The following ZDHHC15 variants were observed in gnomAD, a reference collection of about 807,000 sequenced individuals.
ZDHHC15 encodes zDHHC palmitoyltransferase 15.
ZDHHC15 carries 19 observed loss-of-function variants against 31.7 expected under a neutral mutation model. That is an observed-to-expected ratio of 0.60 (90% confidence interval 0.42 to 0.88). The LOEUF (loss-of-function observed/expected upper bound fraction) is 0.88. Among genes scored for constraint, ZDHHC15 ranks in the 40% least tolerant of loss-of-function variants. The probability of loss-of-function intolerance (pLI) is 0.00; values close to 1 mark genes in which losing one functional copy is unlikely to be tolerated. For missense variants in ZDHHC15, 209 were observed against 251.2 expected (o/e 0.83, Z 1.14); for synonymous variants, 103 against 90.0 (o/e 1.14, Z -0.82).
chrX:75,432,234 T>C (rs1315780112), intron 4 of ZDHHC15, among the ~76,000 whole-genome samples: 1 of 111,736 alleles, frequency 8.9e-6, no homozygotes, highest in Non-Finnish European at 1.9e-5. Flanking sequence ...CTTCCTTTCC[T>C]TTAGATGAAA....
chrX:75,478,748 C>A (rs1181467129), intron 3 of ZDHHC15, 143 bp downstream of exon 3: 3 of 452,773 alleles, frequency 6.6e-6, no homozygotes, highest in Non-Finnish European at 1.1e-5. Context: ...ATCCTACCCT[C>A]AATTCACCTT....
chrX:75,390,705 C>A lies in ZDHHC15; in HGVS notation c.968-11507G>T, dbSNP rs185599218. On this transcript the variant is annotated intron_variant, in intron 10 of 11. Transcript: ENST00000373367. ...ATGATCAAAGACTTAGATCACAACA[C>A]CCAAATCCCTGTGAATATTCGGAAA... 5.4e-5 allele frequency among the ~76,000 whole-genome samples: 6 copies of A among 111,293 alleles called. No individual in the cohort carries two copies. The East Asian group carries it at 1.4e-3, about 26-fold the overall frequency.
chrX:75,482,137 G>T (rs1440240364), intron 2 of ZDHHC15, among the ~76,000 whole-genome samples: 3 of 110,626 alleles, frequency 2.7e-5, no homozygotes, highest in Non-Finnish European at 5.7e-5. Context: ...GTTGGGGGGT[G>T]GGGAACAAGG....
At chrX:75,475,063 A>C (rs1475632423) in intron 3 of ZDHHC15, among the ~76,000 whole-genome samples, 2 of 111,270 alleles carry the variant, frequency 1.8e-5, no homozygotes, top group Non-Finnish European at 3.8e-5. Flanking sequence ...CGTCTCAAAA[A>C]AATAAATAAA....
chrX:75,519,509 C>G (rs1192532290), intron 1 of ZDHHC15, among the ~76,000 whole-genome samples: 1 of 111,472 alleles, frequency 9.0e-6, no homozygotes, highest in African/African-American at 3.3e-5. Context: ...TTACTTGCCC[C>G]AGGTCTCCAG....
intron 2 of ZDHHC15, among the ~76,000 whole-genome samples, chrX:75,498,062 T>G (rs1162049862): frequency 9.1e-6 from 1 of 109,422 alleles, no homozygotes; most frequent in African/African-American, 3.3e-5. Context: ...GCCTCCTGGG[T>G]AGCTGGGATT....
chrX:75,502,047 T>C (rs1333028184), intron 2 of ZDHHC15: 1 of 112,113 alleles, frequency 8.9e-6, no homozygotes, highest in Non-Finnish European at 1.9e-5. Flanking sequence ...AATATTCTTG[T>C]ATCAGTTTGC....
At chrX:75,450,626 T>G in intron 4 of ZDHHC15, 176 bp downstream of exon 4, 1 of 989,037 alleles carries the variant, frequency 1.0e-6, no homozygotes. Context: ...ACTATACAAT[T>G]CTTCCAGCTT....
rs201148072 is a variant in ZDHHC15, at chrX:75,513,878, CAA to C, written c.137-8033_137-8032del. On this transcript the variant is annotated intron_variant, in intron 1 of 11. Transcript: ENST00000373367. ...GCAGGAAAATTGACTTTTTACATAA[CAA>C]AAAAAAAACAATAAGACTAACAGCT... Among the ~76,000 whole-genome samples, 65 of 103,127 alleles carry C rather than the reference CAA, an allele frequency of 6.3e-4. No individual in the cohort carries two copies. In the Middle Eastern group the frequency reaches 0.015, roughly 24 times the overall value. 89.6% of individuals were successfully genotyped at this position (103,127 alleles called of 115,157 possible).
At chrX:75,444,685 TATACACAC>T (rs1342144067) in intron 4 of ZDHHC15, among the ~76,000 whole-genome samples, 11 of 31,082 alleles carry the variant, frequency 3.5e-4, no homozygotes, top group African/African-American at 1.3e-3. Flanking sequence ...TATATATATA[TATACACAC>T]ACACACACAC....
intron 7 of ZDHHC15, among the ~76,000 whole-genome samples, chrX:75,425,085 A>G (rs1180073184): frequency 9.0e-6 from 1 of 110,920 alleles, no homozygotes; most frequent in African/African-American, 3.3e-5. Flanking sequence ...CATAATTGGT[A>G]TGCAACCGCT....
At chrX:75,406,624 C>T (rs1410677527) in intron 10 of ZDHHC15, among the ~76,000 whole-genome samples, 1 of 108,633 alleles carries the variant, frequency 9.2e-6, no homozygotes, top group Non-Finnish European at 1.9e-5. Flanking sequence ...ACACATACAA[C>T]CTACCAAGGT....
rs151287210 is a variant in ZDHHC15 at position 75,454,493 on chromosome X, C to A, written c.259-3571G>T. Reference sequence around the variant, plus strand: ...CAAATGGTATTTCTATTTCTAGATCCTTGAGGAATTGCCACACTGTCTTCC... The same window carrying A: ...CAAATGGTATTTCTATTTCTAGATCATTGAGGAATTGCCACACTGTCTTCC... On this transcript the variant is annotated intron_variant, in intron 3 of 11. Transcript: ENST00000373367. 1.9e-4 allele frequency among the ~76,000 whole-genome samples: 21 copies of A among 111,664 alleles called. No individual in the cohort carries two copies. The East Asian group carries it at 5.1e-3, about 27-fold the overall frequency.
At chrX:75,429,033 G>A (rs959298765) in intron 7 of ZDHHC15, 45 bp downstream of exon 7, 3 of 1,194,297 alleles carry the variant, frequency 2.5e-6, no homozygotes, top group Middle Eastern at 4.7e-4. Context: ...GTTGGAGTGG[G>A]TGTGCATTTG....
intron 11 of ZDHHC15, among the ~76,000 whole-genome samples, chrX:75,373,913 A>ACG (rs2083026210): frequency 2.2e-5 from 1 of 44,841 alleles, no homozygotes; most frequent in South Asian, 1.1e-3. Context: ...ACTAGGTCTT[A>ACG]TTCATTCTTT....
chrX:75,450,529 G>T, intron 4 of ZDHHC15: 1 of 138,406 alleles, frequency 7.2e-6, no homozygotes, highest in Non-Finnish European at 1.3e-5. Context: ...AAGATAAATA[G>T]AGGTATGCAT....
intron 9 of ZDHHC15, among the ~76,000 whole-genome samples, chrX:75,421,090 C>A (rs987176552): frequency 1.9e-5 from 2 of 107,215 alleles, no homozygotes; most frequent in Middle Eastern, 5.2e-3. Context: ...ATTGCCCTTA[C>A]CATTTTTAAC....
intron 1 of ZDHHC15, among the ~76,000 whole-genome samples, chrX:75,516,890 G>GA (rs1322357974): frequency 4.5e-5 from 5 of 111,326 alleles, no homozygotes; most frequent in African/African-American, 1.6e-4. Flanking sequence ...AAATTTACAA[G>GA]AAAAAATCAA....
chrX:75,491,698 C>A lies in ZDHHC15; in HGVS notation c.164-12713G>T, dbSNP rs184255039. On this transcript the variant is annotated intron_variant, in intron 2 of 11. Transcript: ENST00000373367. Reference sequence around the variant, plus strand: ...TTCATATCCAGCCAAACTAAACTTCCTAAGTGAAGGAGAAATAAAATCCTT... The same window carrying A: ...TTCATATCCAGCCAAACTAAACTTCATAAGTGAAGGAGAAATAAAATCCTT... Among the ~76,000 whole-genome samples, 47 of 110,422 alleles carry A rather than the reference C, an allele frequency of 4.3e-4. 1 individual carries two copies. The East Asian group carries it at 0.011, about 26-fold the overall frequency.
Sources: gnomAD v4.1 joint callset for allele counts (sites outside exome capture counted in the v4.1 genomes callset) on GRCh38, gnomAD v4.1.1 for gene constraint, MANE v1.5 for transcripts, NCBI Gene and HGNC (gene_info 2026-07-23, HGNC 2026-07-21) for gene names.